LPCAT4: variants seen among roughly 807,000 people sequenced by gnomAD.
LPCAT4 encodes the protein lysophospholipid acyltransferase LPCAT4.
LPCAT4 carries 30 observed loss-of-function variants against 66.5 expected under a neutral mutation model. The observed-to-expected ratio is 0.45, with a 90% CI of 0.34 to 0.61. The LOEUF (loss-of-function observed/expected upper bound fraction) is 0.61, where lower values mean the gene tolerates loss of function less well. Among genes scored for constraint, LPCAT4 ranks in the 20% least tolerant of loss-of-function variants. LPCAT4 has a pLI of 0.01. For missense variants in LPCAT4, 557 were observed against 656.7 expected, an observed-to-expected ratio of 0.85 and a Z score of 1.66; for synonymous variants, 253 against 262.1, an observed-to-expected ratio of 0.97 and a Z score of 0.34.
Position 34,360,101 on chromosome 15 carries a change from C to A in LPCAT4, c.1242+10G>T. 1.3e-6 allele frequency: 2 copies of A among 1,598,136 alleles called. No homozygotes were observed. Among genetic ancestry groups the A allele is most frequent in the Non-Finnish European group, 1.7e-6 (2 of 1,166,420 alleles). On this transcript the variant is annotated intron_variant, in intron 12 of 13. Coordinates refer to ENST00000314891, the MANE Select transcript of LPCAT4 (RefSeq NM_153613.3). ...ACTAAGCACCCCCCACCACCGCCAC[C>A]CCCCATTACCTCAAAGGCCAGACGA...
In LPCAT4 at chr15:34,361,526, G is replaced by A. The variant is rs192894758; in HGVS notation, c.1017C>T (p.Ser339=). 1.3e-4 allele frequency: 209 copies of A among 1,613,562 alleles called. 1 individual carries two copies. The South Asian group carries it at 2.0e-3, about 15-fold the overall frequency. The change falls in exon 11 of 14, where the codon TCC becomes TCT. Residue 339 remains serine, a synonymous_variant. Transcript: ENST00000314891. ...LGKVLRKAGL[S]AGYVDAGAEP... Reference sequence around the variant, plus strand: ...CTGCCCCAGCGTCCACATAGCCAGCGGACAGCCTACGATGGAATTGTTGAA... The same window carrying A: ...CTGCCCCAGCGTCCACATAGCCAGCAGACAGCCTACGATGGAATTGTTGAA...
Position 34,367,174 on chromosome 15 carries a change from A to T in LPCAT4, c.-74T>A, listed in dbSNP as rs1332459427. 2 of 1,280,504 alleles carry T rather than the reference A, an allele frequency of 1.6e-6. No homozygotes were observed. The highest frequency in any genetic ancestry group is 4.0e-5 in the Admixed American group (1 of 24,818). The allele number at this position is 1,280,504 out of a possible 1,614,324, so 79.3% of individuals were successfully genotyped here. ...CACTCTGCAGAGCAGCTGCTGCTGC[A>T]GCAGCGGCGGCGGCGGCGCTCTGGC... On this transcript the variant is annotated 5_prime_UTR_variant, in exon 1 of 14. Coordinates refer to ENST00000314891, the MANE Select transcript of LPCAT4 (RefSeq NM_153613.3).
intron 12 of LPCAT4, 123 bp downstream of exon 12, chr15:34,359,988 A>T: frequency 1.1e-6 from 1 of 880,054 alleles, no homozygotes; most frequent in East Asian, 2.4e-5. Flanking sequence ...GCACTGTGGC[A>T]CTAGGTTGGA....
In LPCAT4 at chr15:34,367,110, AGGT is replaced by A. The variant is rs958496054; in HGVS notation, c.-13_-11del. ...GACTTCCCTGGCTCATGGCGGGAGA[AGGT>A]GGGAGGGAGGGCACCCCGGCCCTGG... On this transcript the variant is annotated 5_prime_UTR_variant, in exon 1 of 14. Transcript: ENST00000314891. 1 of 1,535,920 alleles carries A rather than the reference AGGT, an allele frequency of 6.5e-7. No individual in the cohort carries two copies. Among genetic ancestry groups the A allele is most frequent in the Non-Finnish European group, 8.8e-7 (1 of 1,139,922 alleles).
Position 34,367,183 on chromosome 15 carries a change from G to T in LPCAT4, c.-83C>A. ...GAGCAGCTGCTGCTGCAGCAGCGGC[G>T]GCGGCGGCGCTCTGGCCCGGGCCCC... On this transcript the variant is annotated 5_prime_UTR_variant, in exon 1 of 14. Coordinates refer to ENST00000314891, the MANE Select transcript of LPCAT4 (RefSeq NM_153613.3). 7 of 1,229,516 alleles carry T rather than the reference G, an allele frequency of 5.7e-6. No homozygotes were observed. In the South Asian group the frequency reaches 6.6e-5, roughly 12 times the overall value. The allele number at this position is 1,229,516 out of a possible 1,614,324, so 76.2% of individuals were successfully genotyped here.
intron 7 of LPCAT4, 53 bp from the exon 8 acceptor site, chr15:34,362,889 C>G: frequency 1.9e-6 from 3 of 1,581,972 alleles, no homozygotes; most frequent in Non-Finnish European, 2.6e-6. Flanking sequence ...GGGCTCCTTC[C>G]CTGGCTCCCA....
chr15:34,361,762 C>T (rs12904830), intron 10 of LPCAT4, among the ~76,000 whole-genome samples: 11,221 of 152,074 alleles, frequency 0.074, 562 homozygotes, highest in Non-Finnish European at 0.11. Flanking sequence ...TGCAGTGGCA[C>T]GACCTTGGCT....
At chr15:34,365,399 G>C (rs945324770) in intron 2 of LPCAT4, 160 bp downstream of exon 2, 99 of 1,177,264 alleles carry the variant, frequency 8.4e-5, no homozygotes, top group Middle Eastern at 2.8e-4. Context: ...TTACTTAGAG[G>C]TGAGGTCTGG....
rs747427263 is a variant in LPCAT4 at position 34,365,273 on chromosome 15, C to A, written c.258-45G>T. ...TATCAGCGGAAGCAGTGGTTCTAAC[C>A]CTCACCCGCCCCCAGGTTCAGACAC... On this transcript the variant is annotated intron_variant, in intron 2 of 13. Transcript: ENST00000314891. The A allele has an allele frequency of 1.9e-6, 3 of 1,543,140 alleles. No individual in the cohort carries two copies. The African/African-American group carries it at 4.1e-5, about 21-fold the overall frequency.
intron 3 of LPCAT4, chr15:34,364,527 G>T: frequency 2.5e-6 from 1 of 405,442 alleles, no homozygotes; most frequent in Non-Finnish European, 4.4e-6. Context: ...GGGTTCAAGT[G>T]ATTCTCCTGC....
In LPCAT4 at chr15:34,362,138, T is replaced by TTCTCTCTC. The variant is rs3053160; in HGVS notation, c.1010+50_1010+57dup. The stretch of plus-strand genomic sequence containing the variant: ...TTCCTTCTCATTTCTCCCCTTCTTA[T>TTCTCTCTC]TCTCTCTCTCTCTCTCTCTGTGACA... On this transcript the variant is annotated intron_variant, in intron 10 of 13. Transcript: ENST00000314891. 1,027 of 1,487,414 alleles carry TTCTCTCTC rather than the reference T, an allele frequency of 6.9e-4. 1 individual carries two copies. The highest frequency in any genetic ancestry group is 6.6e-3 in the East Asian group (283 of 42,608). 92.1% of individuals were successfully genotyped at this position (1,487,414 alleles called of 1,614,324 possible). A position where few individuals can be genotyped will look rare whatever the true frequency, so the allele number is the denominator to read the frequency against.
At position 34,363,595 on chromosome 15, in the gene LPCAT4, T is replaced by A; in HGVS notation, c.711+66A>T. 1 of 1,606,056 alleles carries A rather than the reference T, an allele frequency of 6.2e-7. No homozygotes were observed. The highest frequency in any genetic ancestry group is 8.5e-7 in the Non-Finnish European group (1 of 1,172,622). ...CATCCCATTAAAGCACCAACAGTTT[T>A]CACTTATTTCCATTTGGGGTGGATT... On this transcript the variant is annotated intron_variant, in intron 6 of 13. Coordinates refer to ENST00000314891, the MANE Select transcript of LPCAT4 (RefSeq NM_153613.3). The surrounding 1 kb of genome is among the most constrained non-coding windows in gnomAD (Gnocchi z 4.3).
chr15:34,364,935 CCA>C, intron 3 of LPCAT4, 71 bp downstream of exon 3: 1 of 1,307,730 alleles, frequency 7.6e-7, no homozygotes, highest in Non-Finnish European at 1.1e-6. Flanking sequence ...GTTCTTCACT[CCA>C]GTGTCTCCAT....
intron 1 of LPCAT4, among the ~76,000 whole-genome samples, chr15:34,366,572 G>T (rs1396930833): frequency 2.0e-5 from 3 of 151,960 alleles, no homozygotes; most frequent in African/African-American, 7.3e-5. Flanking sequence ...GCCCAGAAAC[G>T]TCTTCCCTCT....
chr15:34,359,233 G>A lies in LPCAT4; in HGVS notation c.1469C>T (p.Pro490Leu), dbSNP rs138378733. 3 of 1,576,954 alleles carry A rather than the reference G, an allele frequency of 1.9e-6. No homozygotes were observed. The highest frequency in any genetic ancestry group is 1.3e-5 in the African/African-American group (1 of 74,196). Residue 490 changes from proline to leucine, a missense_variant, in exon 14 of 14, where the codon CCA (proline) becomes CTA (leucine). Physicochemically the swap from Pro to Leu is moderately conservative, Grantham distance 98 (BLOSUM62 -3). Around this residue, in one of 4 missense-constraint regions of LPCAT4, gnomAD observed 392 missense variants for 473.9 expected, o/e 0.83. Coordinates refer to ENST00000314891, the MANE Select transcript of LPCAT4 (RefSeq NM_153613.3). ...GKLFSTYLRP[P>L]HTSRGTSQTP... ...CTGGGAGGTGCCTCGAGAGGTGTGT[G>A]GGGGGCGCAGGTAGGTGCTGAAGAG...
rs1013262199 is a variant in LPCAT4 at position 34,365,593 on chromosome 15, C to G, written c.223G>C (p.Glu75Gln). The G allele has an allele frequency of 2.5e-6, 4 of 1,614,210 alleles. No homozygotes were observed. The highest frequency in any genetic ancestry group is 3.4e-6 in the Non-Finnish European group (4 of 1,180,036). The change falls in exon 2 of 14, where the codon GAG (glutamate) becomes CAG (glutamine). Residue 75 changes from glutamate (E) to glutamine (Q), a missense_variant. Physicochemically the swap from Glu to Gln is conservative, Grantham distance 29. Around this residue, in one of 4 missense-constraint regions of LPCAT4, gnomAD observed 65 missense variants for 83.5 expected, o/e 0.78. Transcript: ENST00000314891. ...AWLQVAGLSE[E>Q]QLQEPITGWR... The stretch of plus-strand genomic sequence containing the variant: ...CCTGTAATTGGCTCCTGAAGCTGCT[C>G]CTCACTAAGACCGGCCACTTGAAGC...
chr15:34,364,166 A>C, intron 4 of LPCAT4, 28 bp downstream of exon 4: 1 of 1,316,492 alleles, frequency 7.6e-7, no homozygotes, highest in Non-Finnish European at 1.1e-6. Flanking sequence ...ATGGAAAGTG[A>C]GAAGATGGTC....
Position 34,364,270 on chromosome 15 carries a change from C to T in LPCAT4, c.515G>A (p.Arg172Gln). ...LRFNQAILVS[R>Q]HDPASRRRVV... ...TCTGCGTCGAGAAGCCGGGTCATGC[C>T]GGGATACCAGGATGGCTTGGTTGAA... The change falls in exon 4 of 14, where the codon CGG becomes CAG. Residue 172 changes from arginine to glutamine, a missense_variant. Transcript: ENST00000314891. 3 of 1,614,026 alleles carry T rather than the reference C, an allele frequency of 1.9e-6. No individual in the cohort carries two copies. The highest frequency in any genetic ancestry group is 2.5e-6 in the Non-Finnish European group (3 of 1,179,932).
rs765493702 is a variant in LPCAT4 at position 34,364,197 on chromosome 15, C to T, written c.588G>A (p.Pro196=). ...TGGTCTTGAGACCCTTACCCACCTGCGGCCACTTGCCTCCTGAGGTGGCCC... is the reference window on the plus strand; with the variant it reads ...TGGTCTTGAGACCCTTACCCACCTGTGGCCACTTGCCTCCTGAGGTGGCCC... ...RRRATSGGKW[P]QVLFFPEGTC... The change falls in exon 4 of 14, where the codon CCG becomes CCA. Residue 196 remains proline (P), a synonymous_variant. Coordinates refer to ENST00000314891, the MANE Select transcript of LPCAT4 (RefSeq NM_153613.3). 2.4e-5 allele frequency: 38 copies of T among 1,609,416 alleles called. 1 individual carries two copies. Among genetic ancestry groups the T allele is most frequent in the Middle Eastern group, 1.6e-4 (1 of 6,074 alleles).
Sources: gnomAD v4.1 joint callset for allele counts (sites outside exome capture counted in the v4.1 genomes callset) on GRCh38, gnomAD v4.1.1 for gene constraint, gnomAD v4.1.1 regional missense constraint, Gnocchi (gnomAD v3.1) non-coding constraint, MANE v1.5 for transcripts, NCBI Gene and HGNC (gene_info 2026-07-23, HGNC 2026-07-21) for gene names.